The following NFKB1 variants were observed in gnomAD, a reference collection of about 807,000 sequenced individuals.
NFKB1 encodes nuclear factor NF-kappa-B p105 subunit.
In NFKB1, 9 loss-of-function variants were observed where a neutral mutation model predicts 105.1. The observed-to-expected ratio is 0.09, with a 90% CI of 0.05 to 0.15. The LOEUF (loss-of-function observed/expected upper bound fraction) is 0.15, where lower values mean the gene tolerates loss of function less well. Among genes scored for constraint, NFKB1 ranks in the 10% least tolerant of loss-of-function variants. The pLI, the probability that NFKB1 is intolerant of heterozygous loss-of-function variation, is 1.00. For missense variants in NFKB1, 830 were observed against 1,203.7 expected (o/e 0.69, Z 4.59); for synonymous variants, 440 against 442.2 (o/e 1.00, Z 0.06).
chr4:102,552,945 C>T (rs1722726251), intron 5 of NFKB1, among the ~76,000 whole-genome samples: 1 of 151,952 alleles, frequency 6.6e-6, no homozygotes, highest in Admixed American at 6.6e-5. Flanking sequence ...TCTCTTTTGC[C>T]CTATTAATGT....
intron 11 of NFKB1, among the ~76,000 whole-genome samples, chr4:102,592,289 G>C (rs1430435381): frequency 6.6e-6 from 1 of 152,226 alleles, no homozygotes; most frequent in South Asian, 2.1e-4. Context: ...CCCTAGTGTG[G>C]AAAGAAGTTA....
chr4:102,544,909 C>A (rs938374376), intron 5 of NFKB1, among the ~76,000 whole-genome samples: 6 of 152,038 alleles, frequency 3.9e-5, no homozygotes, highest in African/African-American at 1.4e-4. Context: ...TTGGCCATTC[C>A]CATTTTTCTG....
intron 11 of NFKB1, among the ~76,000 whole-genome samples, chr4:102,588,927 A>T (rs1018593414): frequency 1.3e-5 from 2 of 152,186 alleles, no homozygotes; most frequent in African/African-American, 4.8e-5. Flanking sequence ...AAATAGGTTG[A>T]TGTTTCATAG....
chr4:102,529,944 G>A (rs377105273), intron 3 of NFKB1, 30 bp downstream of exon 3: 80 of 1,517,672 alleles, frequency 5.3e-5, no homozygotes, highest in Non-Finnish European at 6.6e-5. Flanking sequence ...TTACCCTGTT[G>A]TTCTGCTTTC....
At chr4:102,526,154 A>T (rs1445814136) in intron 2 of NFKB1, among the ~76,000 whole-genome samples, 4 of 152,052 alleles carry the variant, frequency 2.6e-5, no homozygotes, top group African/African-American at 9.7e-5. Context: ...CTTCATCTTA[A>T]TTTGTTTATA....
chr4:102,613,405 CCTT>C lies in NFKB1; in HGVS notation c.2593-18_2593-16del, dbSNP rs56033803. ...GACTCGAACACAAGAACATGCTCCT[CCTT>C]CCTTTCTTTCTCACAGGTCTCTGGG... On this transcript the variant is annotated splice_polypyrimidine_tract_variant and intron_variant, in intron 22 of 23. Transcript: ENST00000226574. The C allele has an allele frequency of 3.4e-5, 55 of 1,611,896 alleles. No individual in the cohort carries two copies. In the East Asian group the frequency reaches 1.2e-3, roughly 35 times the overall value.
intron 5 of NFKB1, among the ~76,000 whole-genome samples, chr4:102,541,437 A>G (rs990375006): frequency 6.6e-6 from 1 of 152,236 alleles, no homozygotes; most frequent in Non-Finnish European, 1.5e-5. Flanking sequence ...AGAATATCAG[A>G]GTTAGTGTAC....
intron 11 of NFKB1, among the ~76,000 whole-genome samples, chr4:102,586,988 T>TC (rs1725762828): frequency 6.6e-6 from 1 of 152,246 alleles, no homozygotes; most frequent in Non-Finnish European, 1.5e-5. Context: ...TTGTGGCCTC[T>TC]CCATTGTTTG....
At chr4:102,609,923 G>A (rs1728238634) in intron 19 of NFKB1, among the ~76,000 whole-genome samples, 1 of 152,208 alleles carries the variant, frequency 6.6e-6, no homozygotes, top group South Asian at 2.1e-4. Flanking sequence ...CCTCTGAGAA[G>A]TAACTCTAGC....
At chr4:102,589,960 A>G (rs1321837162) in intron 11 of NFKB1, among the ~76,000 whole-genome samples, 1 of 152,162 alleles carries the variant, frequency 6.6e-6, no homozygotes, top group East Asian at 1.9e-4. Context: ...AGATAGCGAG[A>G]AACAGAAAGA....
chr4:102,549,269 A>C (rs1247706638), intron 5 of NFKB1, among the ~76,000 whole-genome samples: 1 of 151,728 alleles, frequency 6.6e-6, no homozygotes, highest in Non-Finnish European at 1.5e-5. Flanking sequence ...TTAGAAACTG[A>C]GGCTTAATGA....
intron 8 of NFKB1, among the ~76,000 whole-genome samples, 195 bp from the exon 9 acceptor site, chr4:102,580,340 G>C (rs139668456): frequency 6.6e-6 from 1 of 152,268 alleles, no homozygotes; most frequent in African/African-American, 2.4e-5. Flanking sequence ...TTGTTTTGGT[G>C]ATCATAAATG....
rs1293339980 is a variant in NFKB1 at position 102,567,428 on chromosome 4, A to G, written c.407+293A>G. On this transcript the variant is annotated intron_variant, in intron 6 of 23. Transcript: ENST00000226574. The stretch of plus-strand genomic sequence containing the variant: ...ACTTATATGTGGTCACTTGACCTAC[A>G]AGGTATTTGTGCCACTATTAATTTT... 3.3e-5 allele frequency among the ~76,000 whole-genome samples: 5 copies of G among 152,218 alleles called. 1 individual carries two copies. The highest frequency in any genetic ancestry group is 3.3e-4 in the Admixed American group (5 of 15,276).
At chr4:102,549,545 G>T (rs1722411818) in intron 5 of NFKB1, among the ~76,000 whole-genome samples, 1 of 151,134 alleles carries the variant, frequency 6.6e-6, no homozygotes, top group Non-Finnish European at 1.5e-5. Context: ...GAGTTATATA[G>T]TTCTATTAAT....
At chr4:102,566,238 A>G (rs1321806852) in intron 5 of NFKB1, among the ~76,000 whole-genome samples, 1 of 152,194 alleles carries the variant, frequency 6.6e-6, no homozygotes. Flanking sequence ...TTAAAGACAT[A>G]CCAATAAGAA....
At chr4:102,583,802 ATCTGGATTG>A (rs1725500293) in intron 10 of NFKB1, among the ~76,000 whole-genome samples, 1 of 151,992 alleles carries the variant, frequency 6.6e-6, no homozygotes, top group Non-Finnish European at 1.5e-5. Flanking sequence ...ACAAGTAATT[ATCTGGATTG>A]GAAACAATCC....
chr4:102,571,157 C>G (rs1487950065), intron 6 of NFKB1, among the ~76,000 whole-genome samples: 1 of 152,164 alleles, frequency 6.6e-6, no homozygotes, highest in Admixed American at 6.5e-5. Flanking sequence ...TGGAACAGAA[C>G]AGAGCCCTCA....
chr4:102,568,439 C>G (rs1169682475), intron 6 of NFKB1, among the ~76,000 whole-genome samples: 3 of 151,998 alleles, frequency 2.0e-5, no homozygotes, highest in Non-Finnish European at 4.4e-5. Context: ...TGTGGAATAC[C>G]CTTCCAATTC....
intron 14 of NFKB1, among the ~76,000 whole-genome samples, chr4:102,596,657 A>G (rs1726641699): frequency 6.6e-6 from 1 of 152,170 alleles, no homozygotes; most frequent in African/African-American, 2.4e-5. Context: ...CACAAGCTTA[A>G]TAGTCACCCT....
Sources: gnomAD v4.1 joint callset for allele counts (sites outside exome capture counted in the v4.1 genomes callset) on GRCh38, gnomAD v4.1.1 for gene constraint, MANE v1.5 for transcripts, NCBI Gene and HGNC (gene_info 2026-07-23, HGNC 2026-07-21) for gene names.